DMBT1: variants seen among roughly 807,000 people sequenced by gnomAD.
DMBT1 encodes the protein scavenger receptor cysteine-rich domain-containing protein DMBT1.
A neutral mutation model predicts 252.9 loss-of-function variants in DMBT1; 198 were observed. That is an observed-to-expected ratio of 0.78 (90% CI 0.70 to 0.88). The LOEUF is 0.88. DMBT1 is among the 40% of genes least tolerant of loss of function. DMBT1 has a pLI of 0.00. For synonymous variants in DMBT1, 990 were observed against 942.7 expected (o/e 1.05, Z -0.92); for missense variants, 2,432 against 2,404.7 (o/e 1.01, Z -0.24).
intron 48 of DMBT1, 62 bp downstream of exon 48, chr10:122,630,552 G>T (rs1217174703): frequency 1.3e-6 from 2 of 1,545,434 alleles, no homozygotes; most frequent in African/African-American, 2.7e-5. Flanking sequence ...CCTCTTTGGG[G>T]GCACCATGGT....
intron 45 of DMBT1, 77 bp downstream of exon 45, chr10:122,625,380 G>T (rs892763511): frequency 1.4e-6 from 2 of 1,433,090 alleles, no homozygotes; most frequent in Non-Finnish European, 1.9e-6. Context: ...AGTAGGAGGA[G>T]TAGGGTAGAC....
intron 4 of DMBT1, 55 bp downstream of exon 4, chr10:122,570,992 G>A (rs1298071274): frequency 1.9e-6 from 3 of 1,579,198 alleles, no homozygotes; most frequent in Non-Finnish European, 2.6e-6. Context: ...GCACCCCTAG[G>A]TTCATCTCTG....
chr10:122,629,387 A>G (rs1266599018), intron 46 of DMBT1, among the ~76,000 whole-genome samples: 1 of 152,188 alleles, frequency 6.6e-6, no homozygotes, highest in Admixed American at 6.5e-5. Flanking sequence ...TCCTAACCCA[A>G]CGTTGTGCTA....
chr10:122,635,542 C>A (rs2461138), intron 52 of DMBT1, among the ~76,000 whole-genome samples: 38,269 of 151,928 alleles, frequency 0.25, 5,162 homozygotes, highest in African/African-American at 0.35. Context: ...TCTTTTGTTT[C>A]AATTTTTATT....
chr10:122,634,360 CTTTCTT>C (rs1555029940), intron 52 of DMBT1, among the ~76,000 whole-genome samples: 24 of 105,818 alleles, frequency 2.3e-4, no homozygotes, highest in African/African-American at 9.2e-4. Context: ...TTCTTTCTTT[CTTTCTT>C]TCTTTCTTTC....
intron 3 of DMBT1, 33 bp downstream of exon 3, chr10:122,570,242 C>T (rs779093784): frequency 6.1e-6 from 9 of 1,475,864 alleles, no homozygotes; most frequent in Middle Eastern, 1.7e-4. Flanking sequence ...CCTGTGGGCT[C>T]ATTACCCCAC....
rs370843906 is a variant in DMBT1 at position 122,586,117 on chromosome 10, G to A, written c.1517G>A (p.Arg506Gln). 1.2e-5 allele frequency: 19 copies of A among 1,588,872 alleles called. 1 individual carries two copies. The highest frequency in any genetic ancestry group is 5.0e-5 in the Admixed American group (3 of 59,586). Residue 506 changes from arginine to glutamine, a missense_variant, in exon 16 of 56, where the codon CGA (arginine) becomes CAA (glutamine). By Grantham distance (43) the Arg-to-Gln change is conservative (BLOSUM62 1). This residue lies in a region of DMBT1 where 1,264 missense variants were observed against 1,082.2 expected (regional missense o/e 1.17). Coordinates refer to ENST00000338354, the MANE Select transcript of DMBT1 (RefSeq NM_001377530.1). ...AATGGAGGTGACAGGTGTCAGGGCC[G>A]AGTGGAGGTCCTATACCGAGGCTCC... ...LVNGGDRCQG[R>Q]VEVLYRGSWG...
Position 122,643,555 on chromosome 10 carries a change from C to G in DMBT1, c.*157C>G, listed in dbSNP as rs113307762. On this transcript the variant is annotated 3_prime_UTR_variant, in exon 56 of 56. Transcript: ENST00000338354. The stretch of plus-strand genomic sequence containing the variant: ...GAATCAGACCTGGTTCCCGCCTCCC[C>G]CAAGGCTCATGGTCCTTGGAGGACC... 7.2e-5 allele frequency: 80 copies of G among 1,118,812 alleles called. No individual in the cohort carries two copies. The highest frequency in any genetic ancestry group is 2.2e-4 in the African/African-American group (14 of 63,554). The allele number at this position is 1,118,812 out of a possible 1,614,324, so 69.3% of individuals were successfully genotyped here.
chr10:122,589,033 A>G lies in DMBT1; in HGVS notation c.1873A>G (p.Thr625Ala). Residue 625 changes from threonine to alanine, a missense_variant, in exon 17 of 56, where the codon ACC becomes GCC. By Grantham distance (58) the Thr-to-Ala change is moderately conservative (BLOSUM62 0). Around this residue, in one of 3 missense-constraint regions of DMBT1, gnomAD observed 1,264 missense variants for 1,082.2 expected, o/e 1.17. Coordinates refer to ENST00000338354, the MANE Select transcript of DMBT1 (RefSeq NM_001377530.1). ...GGTCCTATACCGAGGCTCTTGGGGC[A>G]CCGTGTGTGATGACAGCTGGGACAC... ...VEVLYRGSWG[T>A]VCDDSWDTND... is the part of the protein sequence containing the mutation. 6.3e-7 allele frequency: 1 copy of G among 1,588,684 alleles called. No homozygotes were observed. Among genetic ancestry groups the G allele is most frequent in the Non-Finnish European group, 8.6e-7 (1 of 1,165,906 alleles).
intron 49 of DMBT1, 103 bp from the exon 50 acceptor site, chr10:122,631,752 G>A: frequency 3.0e-6 from 4 of 1,332,180 alleles, no homozygotes; most frequent in East Asian, 2.3e-5. Flanking sequence ...CCTCGCCGAG[G>A]GGGGTCAGGT....
chr10:122,591,497 C>A lies in DMBT1; in HGVS notation c.2156C>A (p.Thr719Lys). The A allele has an allele frequency of 6.3e-7, 1 of 1,587,486 alleles. No individual in the cohort carries two copies. ...TPRPDTLSTI[T>K]LPPSTVGSES... ...TTTACAGACACGTTGTCGACCATCA[C>A]GTTACCTCCATCGACAGTAGGTAAA... is the stretch of plus-strand genomic sequence containing the variant. The change falls in exon 19 of 56, where the codon ACG (threonine) becomes AAG (lysine). Residue 719 changes from threonine (T) to lysine (K), a missense_variant. Around this residue, in one of 3 missense-constraint regions of DMBT1, gnomAD observed 1,264 missense variants for 1,082.2 expected, o/e 1.17. Transcript: ENST00000338354.
intron 20 of DMBT1, 29 bp downstream of exon 20, chr10:122,592,624 T>C (rs1476290406): frequency 6.3e-7 from 1 of 1,587,668 alleles, no homozygotes. Context: ...GGGCTCCCTC[T>C]CCTAGACTGG....
At chr10:122,572,262 C>G (rs868608942) in intron 4 of DMBT1, 52 bp from the exon 5 acceptor site, 2 of 1,609,698 alleles carry the variant, frequency 1.2e-6, no homozygotes, top group East Asian at 2.2e-5. Context: ...TGGACCAACC[C>G]TCTTCAAGCA....
chr10:122,570,799 C>T lies in DMBT1; in HGVS notation c.140-91C>T, dbSNP rs1591173582. 3.4e-6 allele frequency: 5 copies of T among 1,466,550 alleles called. No individual in the cohort carries two copies. In the African/African-American group the frequency reaches 4.2e-5, roughly 12 times the overall value. The allele number at this position is 1,466,550 out of a possible 1,614,324, so 90.8% of individuals were successfully genotyped here. A position where few individuals can be genotyped will look rare whatever the true frequency, so the allele number is the denominator to read the frequency against. On this transcript the variant is annotated intron_variant, in intron 3 of 55. Transcript: ENST00000338354. The stretch of plus-strand genomic sequence containing the variant: ...AGGTTGCCCTTAGGATCTGTGTTTC[C>T]AGCCCTTGCTTCAGAGCTGACGAAG...
chr10:122,620,309 C>A lies in DMBT1; in HGVS notation c.5284+18C>A, dbSNP rs1266195593. 1.2e-6 allele frequency: 2 copies of A among 1,613,656 alleles called. No homozygotes were observed. The highest frequency in any genetic ancestry group is 1.7e-6 in the Non-Finnish European group (2 of 1,179,722). ...GACAGTAGGTAAATAATCCTCTCGCCCCTCCCTAGGGCTCACTCTCTACCT... is the reference window on the plus strand; with the variant it reads ...GACAGTAGGTAAATAATCCTCTCGCACCTCCCTAGGGCTCACTCTCTACCT... On this transcript the variant is annotated intron_variant, in intron 43 of 55. Transcript: ENST00000338354.
chr10:122,622,049 A>G (rs2098075208), intron 44 of DMBT1, among the ~76,000 whole-genome samples: 1 of 152,142 alleles, frequency 6.6e-6, no homozygotes, highest in South Asian at 2.1e-4. Context: ...GTATCCTGAG[A>G]CTTGCTGACT....
intron 39 of DMBT1, 139 bp from the exon 40 acceptor site, chr10:122,617,089 G>C: frequency 9.7e-7 from 1 of 1,029,660 alleles, no homozygotes; most frequent in Non-Finnish European, 1.5e-6. Flanking sequence ...AGGAGACCTG[G>C]GAAGACACAT....
chr10:122,577,368 G>A (rs1216363314), intron 7 of DMBT1, among the ~76,000 whole-genome samples: 1 of 152,190 alleles, frequency 6.6e-6, no homozygotes, highest in Non-Finnish European at 1.5e-5. Flanking sequence ...TGGGAGGATG[G>A]CAGTGAGTCG....
chr10:122,571,373 T>C (rs1387086371), intron 4 of DMBT1, among the ~76,000 whole-genome samples: 1 of 152,122 alleles, frequency 6.6e-6, no homozygotes, highest in African/African-American at 2.4e-5. Flanking sequence ...TGTCCTGGGG[T>C]GCCAAATATT....
Sources: allele counts gnomAD v4.1 joint callset (sites outside exome capture counted in the v4.1 genomes callset), GRCh38; gene constraint gnomAD v4.1.1; regional missense constraint gnomAD v4.1.1; transcripts MANE v1.5; gene names NCBI Gene and HGNC (gene_info 2026-07-23, HGNC 2026-07-21).